The following ZNF717 variants were observed in gnomAD, a reference collection of about 807,000 sequenced individuals.
The protein encoded by ZNF717 is zinc finger protein 717, also known as krueppel-like factor X17.
Under a neutral mutation model 13.8 loss-of-function variants are expected in ZNF717, and 9 were observed. The ratio of observed to expected loss-of-function variants is 0.65; its 90% CI spans 0.39 to 1.14. The LOEUF is 1.14. Among genes scored for constraint, ZNF717 ranks in the 50% most tolerant of loss-of-function variants. The pLI is 0.01. For missense variants in ZNF717, 1,040 were observed against 1,080.7 expected, an observed-to-expected ratio of 0.96 and a Z score of 0.53; for synonymous variants, 327 against 364.1, an observed-to-expected ratio of 0.90 and a Z score of 1.16.
intron 2 of ZNF717, among the ~76,000 whole-genome samples, chr3:75,774,018 C>G (rs1944101978): frequency 6.6e-6 from 1 of 152,072 alleles, no homozygotes; most frequent in Non-Finnish European, 1.5e-5. Flanking sequence ...CCATTGCACT[C>G]CAGCCTGGGC....
Position 75,738,771 on chromosome 3 carries a change from T to C in ZNF717, c.852A>G (p.Glu284=). The C allele has an allele frequency of 6.4e-7, 1 of 1,553,122 alleles. No individual in the cohort carries two copies. The highest frequency in any genetic ancestry group is 8.7e-7 in the Non-Finnish European group (1 of 1,147,958). ...TGGAGGGTTTCTCACATTCAACACA[T>C]TCATAGGGTTTCTCTCCTGTGTGTG... ...QQTHTGEKPY[E]CVECEKPSIS... Residue 284 remains glutamate, a synonymous_variant, in exon 5 of 5, where the codon GAA becomes GAG. Coordinates refer to ENST00000652011, the MANE Select transcript of ZNF717 (RefSeq NM_001290208.3).
intron 2 of ZNF717, among the ~76,000 whole-genome samples, chr3:75,778,637 C>G (rs559395051): frequency 1.3e-5 from 2 of 151,836 alleles, no homozygotes; most frequent in East Asian, 3.9e-4. Context: ...CTTGCTAAAA[C>G]CAGAACCCAA....
intron 2 of ZNF717, among the ~76,000 whole-genome samples, chr3:75,771,978 G>A (rs1407360422): frequency 6.6e-6 from 1 of 152,262 alleles, no homozygotes; most frequent in Non-Finnish European, 1.5e-5. Flanking sequence ...TCAGGGCAGT[G>A]CTGACATGCC....
intron 6 of ZNF717, among the ~76,000 whole-genome samples, chr3:75,701,591 C>G: frequency 6.6e-6 from 1 of 152,304 alleles, no homozygotes; most frequent in Non-Finnish European, 1.5e-5. Flanking sequence ...ACTCAGGAGG[C>G]TGAGGCAGAG....
chr3:75,752,987 A>C (rs1575848780), intron 2 of ZNF717, among the ~76,000 whole-genome samples: 1 of 146,626 alleles, frequency 6.8e-6, no homozygotes, highest in Non-Finnish European at 1.5e-5. Flanking sequence ...CTCACATAGG[A>C]TTCCAGAACA....
downstream of ZNF717, chr3:75,732,235 C>A (rs62250089): frequency 1.7e-6 from 1 of 596,264 alleles, no homozygotes; most frequent in South Asian, 1.8e-5. Flanking sequence ...TCTCATATAA[C>A]CAGATCCTAA....
At chr3:75,756,148 G>C (rs533670989) in intron 2 of ZNF717, among the ~76,000 whole-genome samples, 2 of 152,276 alleles carry the variant, frequency 1.3e-5, no homozygotes, top group South Asian at 4.1e-4. Flanking sequence ...TTTTATCATT[G>C]AATCTGTAAT....
At chr3:75,714,723 A>G (rs1219100542) in intron 5 of ZNF717, among the ~76,000 whole-genome samples, 1 of 152,076 alleles carries the variant, frequency 6.6e-6, no homozygotes, top group Non-Finnish European at 1.5e-5. Context: ...AGATATTTCT[A>G]TTTTTATTTT....
rs536753648 is a variant in ZNF717, at chr3:75,782,049, G to A, written c.57+1257C>T. Among the ~76,000 whole-genome samples, 14 of 152,202 alleles carry A rather than the reference G, an allele frequency of 9.2e-5. No individual in the cohort carries two copies. The South Asian group carries it at 1.9e-3, about 20-fold the overall frequency. On this transcript the variant is annotated intron_variant, in intron 2 of 4. Coordinates refer to ENST00000652011, the MANE Select transcript of ZNF717 (RefSeq NM_001290208.3). Reference sequence around the variant, plus strand: ...TTCGTGCGTTAGCCATCTCTCAGTCGCTGGCTAATAAAGGACTCCTGAACT... The same window carrying A: ...TTCGTGCGTTAGCCATCTCTCAGTCACTGGCTAATAAAGGACTCCTGAACT...
At chr3:75,722,626 C>T (rs1415255881) in intron 4 of ZNF717, among the ~76,000 whole-genome samples, 2 of 151,778 alleles carry the variant, frequency 1.3e-5, no homozygotes, top group African/African-American at 4.8e-5. Flanking sequence ...ACCAGCCTGG[C>T]CAACATGGTG....
At chr3:75,708,099 G>A (rs1285027086), downstream of ZNF717, among the ~76,000 whole-genome samples, 9 of 152,236 alleles carry the variant, frequency 5.9e-5, no homozygotes, top group Non-Finnish European at 1.0e-4. Flanking sequence ...TTTGAAGAGA[G>A]CAGTGGTTCT....
intron 4 of ZNF717, among the ~76,000 whole-genome samples, chr3:75,721,025 A>G (rs1443528948): frequency 1.3e-5 from 2 of 152,334 alleles, no homozygotes; most frequent in East Asian, 3.9e-4. Flanking sequence ...TTTAAAACAA[A>G]TCAATATTTC....
At chr3:75,756,187 C>A (rs1223316096) in intron 2 of ZNF717, among the ~76,000 whole-genome samples, 1 of 152,214 alleles carries the variant, frequency 6.6e-6, no homozygotes, top group African/African-American at 2.4e-5. Context: ...ATCTTTAATG[C>A]TACTATTGTC....
chr3:75,783,903 A>G (rs75531579), intron 1 of ZNF717, among the ~76,000 whole-genome samples: 2 of 152,124 alleles, frequency 1.3e-5, no homozygotes, highest in African/African-American at 4.8e-5. Context: ...CCTGCAGTAC[A>G]CCATTCTACT....
intron 2 of ZNF717, among the ~76,000 whole-genome samples, chr3:75,756,527 A>T (rs562633783): frequency 6.6e-6 from 1 of 152,400 alleles, no homozygotes; most frequent in Admixed American, 6.5e-5. Flanking sequence ...AGTGTTCTTG[A>T]AAGAAATTTA....
chr3:75,763,980 T>C (rs1208171438), intron 2 of ZNF717, among the ~76,000 whole-genome samples: 5 of 152,158 alleles, frequency 3.3e-5, no homozygotes, highest in African/African-American at 7.2e-5. Context: ...TGTCCACAGA[T>C]GGTGACAAGT....
At chr3:75,771,482 T>A (rs1338312724) in intron 2 of ZNF717, among the ~76,000 whole-genome samples, 1 of 152,216 alleles carries the variant, frequency 6.6e-6, no homozygotes, top group Non-Finnish European at 1.5e-5. Flanking sequence ...AGAAGTGGGA[T>A]CTGCCAGAGC....
chr3:75,749,746 A>G (rs1406238599), intron 2 of ZNF717, among the ~76,000 whole-genome samples: 1 of 151,328 alleles, frequency 6.6e-6, no homozygotes, highest in Non-Finnish European at 1.5e-5. Context: ...GCCCCTCACT[A>G]GGACTCCAGA....
At chr3:75,720,200 AATAT>A (rs1333482269) in intron 4 of ZNF717, among the ~76,000 whole-genome samples, 1 of 152,104 alleles carries the variant, frequency 6.6e-6, no homozygotes, top group Admixed American at 6.6e-5. Flanking sequence ...CACATACACT[AATAT>A]ATTCACAATA....
Sources: allele counts gnomAD v4.1 joint callset (sites outside exome capture counted in the v4.1 genomes callset), GRCh38; gene constraint gnomAD v4.1.1; transcripts MANE v1.5; gene names NCBI Gene and HGNC (gene_info 2026-07-23, HGNC 2026-07-21).